TENM3: variants seen among roughly 807,000 people sequenced by gnomAD.
TENM3 encodes the protein teneurin transmembrane protein 3.
In TENM3, 63 loss-of-function variants were observed where a neutral mutation model predicts 255.1. The ratio of observed to expected loss-of-function variants is 0.25; its 90% CI spans 0.20 to 0.30. TENM3 has a LOEUF of 0.30. TENM3 is among the 10% of genes least tolerant of loss of function. The pLI is 1.00. For missense variants in TENM3, 2,929 were observed against 3,461.1 expected, an observed-to-expected ratio of 0.85 and a Z score of 3.86; for synonymous variants, 1,306 against 1,322.3, an observed-to-expected ratio of 0.99 and a Z score of 0.27.
chr4:182,137,331 C>A, the TENM3 span, among the ~76,000 whole-genome samples: 2 of 57,688 alleles, frequency 3.5e-5, no homozygotes, highest in Non-Finnish European at 9.4e-5. Context: ...TTCTCTGCCA[C>A]CTCCCCCCCC....
At chr4:181,919,224 G>C in the TENM3 span, among the ~76,000 whole-genome samples, 9 of 152,088 alleles carry the variant, frequency 5.9e-5, no homozygotes, top group African/African-American at 1.9e-4. Context: ...CACCCAAAAT[G>C]TTTAGTGTGT....
chr4:181,943,619 A>G, the TENM3 span, among the ~76,000 whole-genome samples: 1 of 152,178 alleles, frequency 6.6e-6, no homozygotes, highest in Non-Finnish European at 1.5e-5. Flanking sequence ...TGATGCATAA[A>G]CAGATTCTGG....
the TENM3 span, among the ~76,000 whole-genome samples, chr4:181,635,019 T>C: frequency 6.6e-6 from 1 of 152,174 alleles, no homozygotes; most frequent in South Asian, 2.1e-4. Context: ...CTAACAGACT[T>C]ATATAAATAT....
intron 1 of TENM3, among the ~76,000 whole-genome samples, chr4:182,197,805 A>G (rs1753921623): frequency 6.6e-6 from 1 of 152,208 alleles, no homozygotes; most frequent in South Asian, 2.1e-4. Flanking sequence ...CACTCAGCAA[A>G]GAGATAAAGA....
rs77598666 is a variant in TENM3, at chr4:182,770,316, G to A, written c.4893-3156G>A. Among the ~76,000 whole-genome samples, 391 of 152,082 alleles carry A rather than the reference G, an allele frequency of 2.6e-3. 1 individual carries two copies. The highest frequency in any genetic ancestry group is 8.8e-3 in the African/African-American group (366 of 41,480). On this transcript the variant is annotated intron_variant, in intron 22 of 27. Transcript: ENST00000511685. Reference sequence around the variant, plus strand: ...CTCTCACCCCCACCTTAGGTTCCTCGTTAAAACCCCGCTTTCTTTAAACCT... The same window carrying A: ...CTCTCACCCCCACCTTAGGTTCCTCATTAAAACCCCGCTTTCTTTAAACCT...
intron 1 of TENM3, among the ~76,000 whole-genome samples, chr4:182,247,491 CA>C (rs1361075315): frequency 2.6e-5 from 4 of 152,116 alleles, no homozygotes; most frequent in Admixed American, 2.0e-4. Flanking sequence ...CTCATCCATC[CA>C]AAAATGGAAC....
At chr4:182,335,615 T>C (rs924479038) in intron 2 of TENM3, among the ~76,000 whole-genome samples, 1 of 147,230 alleles carries the variant, frequency 6.8e-6, no homozygotes. Flanking sequence ...AGGGACTCAA[T>C]AGTAGGGGAG....
At chr4:182,234,700 C>G (rs1187570538) in intron 1 of TENM3, among the ~76,000 whole-genome samples, 1 of 151,954 alleles carries the variant, frequency 6.6e-6, no homozygotes, top group Non-Finnish European at 1.5e-5. Context: ...CCACTGCACT[C>G]CAGCCTGGGT....
chr4:182,051,094 AC>A, the TENM3 span, among the ~76,000 whole-genome samples: 5 of 151,720 alleles, frequency 3.3e-5, no homozygotes, highest in Non-Finnish European at 7.4e-5. Context: ...CTGTAATCCC[AC>A]CATTTTGGGA....
the TENM3 span, among the ~76,000 whole-genome samples, chr4:181,982,735 G>A: frequency 6.6e-6 from 1 of 152,136 alleles, no homozygotes; most frequent in Non-Finnish European, 1.5e-5. Flanking sequence ...CAGAAAGGAG[G>A]TCACATGCTT....
chr4:181,864,974 A>T, the TENM3 span, among the ~76,000 whole-genome samples: 1 of 152,196 alleles, frequency 6.6e-6, no homozygotes, highest in Admixed American at 6.5e-5. Flanking sequence ...TGCTTGTCTG[A>T]ACATATCAAT....
At chr4:182,688,457 A>G (rs546345697) in intron 12 of TENM3, 106 bp downstream of exon 12, 3 of 892,486 alleles carry the variant, frequency 3.4e-6, no homozygotes, top group South Asian at 3.5e-5. Flanking sequence ...GTTATTTTTT[A>G]CTTGTCTTTC....
At chr4:181,716,993 C>T in the TENM3 span, among the ~76,000 whole-genome samples, 1 of 152,146 alleles carries the variant, frequency 6.6e-6, no homozygotes, top group African/African-American at 2.4e-5. Flanking sequence ...AGCAGAAGCG[C>T]AGAATGTACT....
the TENM3 span, among the ~76,000 whole-genome samples, chr4:181,740,978 TG>T: frequency 6.6e-6 from 1 of 152,126 alleles, no homozygotes; most frequent in African/African-American, 2.4e-5. Context: ...TGAGAAAAGC[TG>T]AAGTGGAGAA....
At chr4:182,539,354 T>C (rs1254946342) in intron 3 of TENM3, among the ~76,000 whole-genome samples, 2 of 151,982 alleles carry the variant, frequency 1.3e-5, no homozygotes, top group Non-Finnish European at 2.9e-5. Flanking sequence ...ACTGATGAGC[T>C]AGCAGTGACT....
At chr4:182,047,829 T>C in the TENM3 span, among the ~76,000 whole-genome samples, 29,987 of 152,020 alleles carry the variant, frequency 0.2, 3,021 homozygotes, top group Middle Eastern at 0.23. Context: ...GATCTTTTGA[T>C]TGAAATCCTT....
the TENM3 span, among the ~76,000 whole-genome samples, chr4:181,873,590 C>T: frequency 6.6e-6 from 1 of 152,086 alleles, no homozygotes; most frequent in East Asian, 1.9e-4. Context: ...AATTGAATTC[C>T]ACTGTCATTA....
chr4:181,651,722 T>C, the TENM3 span, among the ~76,000 whole-genome samples: 3 of 152,262 alleles, frequency 2.0e-5, no homozygotes, highest in Admixed American at 2.0e-4. Context: ...ACGCTGAACT[T>C]CTTGAATTTT....
chr4:181,689,979 G>C, the TENM3 span, among the ~76,000 whole-genome samples: 1 of 152,262 alleles, frequency 6.6e-6, no homozygotes, highest in Admixed American at 6.5e-5. Context: ...GGATGGAGAG[G>C]TGATGCAGGG....
Sources: allele counts gnomAD v4.1 joint callset (sites outside exome capture counted in the v4.1 genomes callset), GRCh38; gene constraint gnomAD v4.1.1; transcripts MANE v1.5; gene names NCBI Gene and HGNC (gene_info 2026-07-23, HGNC 2026-07-21).